The following ANKRD13C variants were observed in gnomAD, a reference collection of about 807,000 sequenced individuals.
ANKRD13C encodes the protein ankyrin repeat domain-containing protein 13C.
In ANKRD13C, 16 loss-of-function variants were observed where a neutral mutation model predicts 65.5. The ratio of observed to expected loss-of-function variants is 0.24; its 90% CI spans 0.17 to 0.37. The LOEUF (loss-of-function observed/expected upper bound fraction) is 0.37. Ranked by LOEUF, ANKRD13C falls within the 10% of genes least tolerant of loss-of-function variation. The probability of loss-of-function intolerance (pLI) is 1.00; values close to 1 mark genes in which losing one functional copy is unlikely to be tolerated. For synonymous variants in ANKRD13C, 235 were observed against 238.7 expected, an observed-to-expected ratio of 0.98 and a Z score of 0.14; for missense variants, 503 against 655.9, an observed-to-expected ratio of 0.77 and a Z score of 2.55.
In ANKRD13C at chr1:70,286,714, G is replaced by T. The variant is rs546562596; in HGVS notation, c.1215+5674C>A. ...AAAGACTACAGAATAGGCCAGGCAC[G>T]GTGGCTCATGCCTATAATCCCAGCA... is the stretch of plus-strand genomic sequence containing the variant. On this transcript the variant is annotated intron_variant, in intron 9 of 12. Coordinates refer to ENST00000370944, the MANE Select transcript of ANKRD13C (RefSeq NM_030816.5). Among the ~76,000 whole-genome samples the T allele has an allele frequency of 1.3e-4, 20 of 152,260 alleles. No individual in the cohort carries two copies. The South Asian group carries it at 4.2e-3, about 32-fold the overall frequency.
At position 70,281,195 on chromosome 1, in the gene ANKRD13C, T is replaced by C. The variant is rs187672368; in HGVS notation, c.1216-4351A>G. Among the ~76,000 whole-genome samples, 476 of 152,132 alleles carry C rather than the reference T, an allele frequency of 3.1e-3. 4 individuals carry two copies. Among genetic ancestry groups the C allele is most frequent in the Non-Finnish European group, 4.9e-3 (331 of 68,000 alleles). On this transcript the variant is annotated intron_variant, in intron 9 of 12. Coordinates refer to ENST00000370944, the MANE Select transcript of ANKRD13C (RefSeq NM_030816.5). ...TGACGGAAGAATAGAGTTAAAGGTA[T>C]ATATCTGGTTGACAGTTACCAGTGT...
At chr1:70,309,671 A>G (rs1231473315) in intron 5 of ANKRD13C, among the ~76,000 whole-genome samples, 1 of 148,474 alleles carries the variant, frequency 6.7e-6, no homozygotes, top group Non-Finnish European at 1.5e-5. Context: ...GCTTGCAGTG[A>G]GCCGAGATCG....
intron 5 of ANKRD13C, 64 bp from the exon 6 acceptor site, chr1:70,306,354 T>A: frequency 1.9e-6 from 2 of 1,055,022 alleles, no homozygotes; most frequent in Non-Finnish European, 2.8e-6. Context: ...TACAAACTTT[T>A]AAATTAAAAG....
At chr1:70,331,798 G>C (rs1208712975) in intron 2 of ANKRD13C, among the ~76,000 whole-genome samples, 1 of 132,438 alleles carries the variant, frequency 7.6e-6, no homozygotes, top group African/African-American at 2.9e-5. Context: ...CTCCAGCCTA[G>C]GCAACAGAGC....
chr1:70,318,685 T>G (rs924331494), intron 3 of ANKRD13C, among the ~76,000 whole-genome samples: 11 of 145,148 alleles, frequency 7.6e-5, no homozygotes, highest in East Asian at 4.1e-4. Flanking sequence ...CTTTGTTTTT[T>G]TTTTTTTTTT....
At chr1:70,273,264 A>C (rs1256698285) in intron 11 of ANKRD13C, among the ~76,000 whole-genome samples, 1 of 152,160 alleles carries the variant, frequency 6.6e-6, no homozygotes, top group Non-Finnish European at 1.5e-5. Context: ...TCATTTTTAA[A>C]AAATGTATTA....
chr1:70,296,294 C>G lies in ANKRD13C; in HGVS notation c.922-33G>C, dbSNP rs753505254. ...GTGAGCAAAAGTTAAATATAAAAAT[C>G]TAGGTTTTTCAAAAGTTCTTAGTAC... On this transcript the variant is annotated intron_variant, in intron 7 of 12. Transcript: ENST00000370944. 14 of 1,592,072 alleles carry G rather than the reference C, an allele frequency of 8.8e-6. No individual in the cohort carries two copies. In the South Asian group the frequency reaches 1.5e-4, roughly 17 times the overall value.
chr1:70,345,878 T>C (rs923229049), intron 1 of ANKRD13C, among the ~76,000 whole-genome samples: 2 of 152,240 alleles, frequency 1.3e-5, no homozygotes, highest in South Asian at 2.1e-4. Flanking sequence ...TGATTAACTA[T>C]AGTTTGTCTG....
chr1:70,262,721 A>G lies in ANKRD13C; in HGVS notation c.1622T>C (p.Leu541Pro). ...YKEDPSRFPD[L>P] ...CGGCATCCTTTTCCACGTCAGTTAA[A>G]GATCAGGAAAACGGCTTGGGTCTTC... Residue 541 changes from leucine (L) to proline (P), a missense_variant, in exon 13 of 13, where the codon CTT becomes CCT. Transcript: ENST00000370944. 6.2e-7 allele frequency: 1 copy of G among 1,612,234 alleles called. No homozygotes were observed. The highest frequency in any genetic ancestry group is 8.5e-7 in the Non-Finnish European group (1 of 1,178,796).
chr1:70,327,490 A>G (rs1332141838), intron 2 of ANKRD13C, among the ~76,000 whole-genome samples: 2 of 152,246 alleles, frequency 1.3e-5, no homozygotes, highest in African/African-American at 4.8e-5. Context: ...AAATTGCTCT[A>G]GATTATGAGA....
intron 9 of ANKRD13C, among the ~76,000 whole-genome samples, chr1:70,285,331 T>A (rs1228333458): frequency 2.0e-5 from 3 of 151,776 alleles, no homozygotes; most frequent in Non-Finnish European, 2.9e-5. Flanking sequence ...TAGCTGGGAT[T>A]ACAGGCACGC....
intron 6 of ANKRD13C, 43 bp from the exon 7 acceptor site, chr1:70,300,951 T>C (rs772063630): frequency 9.6e-6 from 15 of 1,561,908 alleles, no homozygotes; most frequent in Non-Finnish European, 1.2e-5. Flanking sequence ...AAATATAATT[T>C]TGATAAAACT....
intron 5 of ANKRD13C, among the ~76,000 whole-genome samples, chr1:70,312,074 C>T (rs940236846): frequency 2.6e-5 from 4 of 152,026 alleles, no homozygotes; most frequent in African/African-American, 4.8e-5. Flanking sequence ...TTTATGGCTG[C>T]GTTTACTTTT....
chr1:70,327,900 C>T (rs973759584), intron 2 of ANKRD13C, among the ~76,000 whole-genome samples: 3 of 151,792 alleles, frequency 2.0e-5, no homozygotes, highest in East Asian at 3.9e-4. Context: ...CCTGTCTCTA[C>T]TAAAATACAA....
intron 3 of ANKRD13C, among the ~76,000 whole-genome samples, chr1:70,319,650 G>GT (rs1156253448): frequency 1.7e-5 from 2 of 120,616 alleles, no homozygotes; most frequent in Admixed American, 1.7e-4. Context: ...CCTAGCATAT[G>GT]CCTTTTTTTT....
intron 3 of ANKRD13C, among the ~76,000 whole-genome samples, chr1:70,319,427 GAAACCCCGTCTCTACTA>G (rs1322096444): frequency 6.6e-6 from 1 of 152,150 alleles, no homozygotes; most frequent in African/African-American, 2.4e-5. Flanking sequence ...CCAACATAGT[GAAACCCCGTCTCTACTA>G]AAAATACAAA....
In ANKRD13C at chr1:70,315,536, T is replaced by C. The variant is rs1681038210; in HGVS notation, c.608A>G (p.Gln203Arg). 6.2e-7 allele frequency: 1 copy of C among 1,609,448 alleles called. No homozygotes were observed. Among genetic ancestry groups the C allele is most frequent in the Non-Finnish European group, 8.5e-7 (1 of 1,177,742 alleles). ...TTTTTCTTCAACACTTTCCCTGGAT[T>C]GCTGCTTAAGCTTCCTCAAAAGAGC... ...ITALLRKLKQQSRESVEEKRP... is the reference protein window; with the variant it reads ...ITALLRKLKQRSRESVEEKRP... The change falls in exon 4 of 13, where the codon CAA becomes CGA. Residue 203 changes from glutamine (Q) to arginine (R), a missense_variant. Around this residue, in one of 2 missense-constraint regions of ANKRD13C, gnomAD observed 300 missense variants for 478.3 expected, o/e 0.63. Transcript: ENST00000370944.
chr1:70,275,823 T>G (rs941201733), intron 10 of ANKRD13C, among the ~76,000 whole-genome samples: 1 of 151,896 alleles, frequency 6.6e-6, no homozygotes, highest in Non-Finnish European at 1.5e-5. Context: ...TAGCTGGGCA[T>G]GGTGGAGCGC....
intron 3 of ANKRD13C, among the ~76,000 whole-genome samples, chr1:70,316,064 C>T (rs1297792722): frequency 6.6e-6 from 1 of 152,130 alleles, no homozygotes; most frequent in Non-Finnish European, 1.5e-5. Context: ...CTCAAAAATC[C>T]CACTGGAAGC....
Sources: gnomAD v4.1 joint callset for allele counts (sites outside exome capture counted in the v4.1 genomes callset) on GRCh38, gnomAD v4.1.1 for gene constraint, gnomAD v4.1.1 regional missense constraint, MANE v1.5 for transcripts, NCBI Gene and HGNC (gene_info 2026-07-23, HGNC 2026-07-21) for gene names.